LARGE1: variants seen among roughly 807,000 people sequenced by gnomAD.
The protein encoded by LARGE1 is LARGE xylosyl- and glucuronyltransferase 1.
In LARGE1, 43 loss-of-function variants were observed where a neutral mutation model predicts 87.6. That is an observed-to-expected ratio of 0.49 (90% CI 0.38 to 0.63). The LOEUF (loss-of-function observed/expected upper bound fraction) is 0.63. Among genes scored for constraint, LARGE1 ranks in the 30% least tolerant of loss-of-function variants. LARGE1 has a pLI of 0.00. For missense variants in LARGE1, 802 were observed against 1,000.2 expected (o/e 0.80, Z 2.67); for synonymous variants, 434 against 394.6 (o/e 1.10, Z -1.18).
the LARGE1 span, among the ~76,000 whole-genome samples, chr22:33,104,496 C>T: frequency 5.3e-5 from 8 of 152,244 alleles, no homozygotes; most frequent in Non-Finnish European, 1.2e-4. Context: ...AGATGGGGTA[C>T]ATGCGAGTGA....
chr22:33,546,165 G>A (rs752345105), intron 6 of LARGE1, among the ~76,000 whole-genome samples: 6 of 152,170 alleles, frequency 3.9e-5, no homozygotes, highest in Non-Finnish European at 7.3e-5. Flanking sequence ...GGCACAGCAC[G>A]CTAAATCCTT....
At chr22:33,413,665 C>A (rs539748880) in intron 7 of LARGE1, among the ~76,000 whole-genome samples, 2 of 152,000 alleles carry the variant, frequency 1.3e-5, no homozygotes, top group Non-Finnish European at 2.9e-5. Flanking sequence ...TGGGGTTTCA[C>A]CATGCTGGCC....
At chr22:33,520,568 C>T (rs919594095) in intron 6 of LARGE1, among the ~76,000 whole-genome samples, 2 of 152,248 alleles carry the variant, frequency 1.3e-5, no homozygotes, top group Non-Finnish European at 2.9e-5. Context: ...CCTGCCCCCA[C>T]TGCCCACCTG....
intron 11 of LARGE1, among the ~76,000 whole-genome samples, chr22:33,190,928 A>G (rs73395904): frequency 0.032 from 4,827 of 151,550 alleles, 264 homozygotes; most frequent in African/African-American, 0.11. Flanking sequence ...ATTCGGTAAA[A>G]CTCTCTCCTC....
At chr22:33,830,935 C>T (rs145157136) in intron 1 of LARGE1, among the ~76,000 whole-genome samples, 2 of 152,298 alleles carry the variant, frequency 1.3e-5, no homozygotes, top group East Asian at 3.9e-4. Flanking sequence ...GCTCTGCCTT[C>T]ATGACCTAAG....
chr22:33,137,039 CGTTG>C, the LARGE1 span: 2 of 152,068 alleles, frequency 1.3e-5, no homozygotes, highest in African/African-American at 2.4e-5. Flanking sequence ...GTCAGCTTCT[CGTTG>C]GTTGTTTCTC....
chr22:33,381,913 C>A lies in LARGE1; in HGVS notation c.1131+6G>T, dbSNP rs2065171571. On this transcript the variant is annotated splice_donor_region_variant and intron_variant, in intron 9 of 14. Transcript: ENST00000397394. ...ACCTCCAGGGATGTCCCTGTGTTGA[C>A]CCTACCTTTAGATCAGACACGTCTC... 1 of 1,613,868 alleles carries A rather than the reference C, an allele frequency of 6.2e-7. No individual in the cohort carries two copies.
chr22:33,829,381 C>A (rs956590554), intron 1 of LARGE1, among the ~76,000 whole-genome samples: 33 of 152,162 alleles, frequency 2.2e-4, no homozygotes, highest in Middle Eastern at 3.4e-3. Flanking sequence ...GACCCCACTA[C>A]CATTAAACTG....
intron 1 of LARGE1, among the ~76,000 whole-genome samples, chr22:33,779,852 T>C (rs1408677397): frequency 7.6e-6 from 1 of 131,266 alleles, no homozygotes; most frequent in South Asian, 2.2e-4. Context: ...CAGTCTACTG[T>C]ATCTTCCTCT....
intron 7 of LARGE1, among the ~76,000 whole-genome samples, chr22:33,405,225 A>G (rs2066056238): frequency 1.3e-5 from 2 of 152,200 alleles, no homozygotes; most frequent in African/African-American, 4.8e-5. Context: ...CCAGTGTGTT[A>G]CAGAACAAAA....
chr22:33,784,974 TATAC>T (rs1264533792), intron 1 of LARGE1, among the ~76,000 whole-genome samples: 2 of 151,322 alleles, frequency 1.3e-5, no homozygotes, highest in East Asian at 1.9e-4. Flanking sequence ...TATACATGTG[TATAC>T]ATACATATGT....
Position 33,274,298 on chromosome 22 carries a change from TG to T in LARGE1, c.*128del. Reference sequence around the variant, plus strand: ...GTCTCTGTAGTGAGGGCAGCTTGGCTGGGCCAAAGAGATAAATAAAAACAAA... The same window carrying T: ...GTCTCTGTAGTGAGGGCAGCTTGGCTGGCCAAAGAGATAAATAAAAACAAA... On this transcript the variant is annotated 3_prime_UTR_variant, in exon 15 of 15. Coordinates refer to ENST00000397394, the MANE Select transcript of LARGE1 (RefSeq NM_133642.5). The T allele has an allele frequency of 1.0e-6, 1 of 982,862 alleles. No individual in the cohort carries two copies. Among genetic ancestry groups the T allele is most frequent in the Non-Finnish European group, 1.6e-6 (1 of 624,640 alleles). 60.9% of individuals were successfully genotyped at this position (982,862 alleles called of 1,614,324 possible). A position where few individuals can be genotyped will look rare whatever the true frequency, so the allele number is the denominator to read the frequency against.
chr22:33,727,526 G>A (rs988977388), intron 2 of LARGE1: 3 of 152,254 alleles, frequency 2.0e-5, no homozygotes, highest in African/African-American at 7.2e-5. Flanking sequence ...AACGTGGAGA[G>A]AGATGTAGCT....
At chr22:33,388,731 G>T (rs561412865) in intron 7 of LARGE1, among the ~76,000 whole-genome samples, 2 of 151,710 alleles carry the variant, frequency 1.3e-5, no homozygotes, top group Non-Finnish European at 2.9e-5. Flanking sequence ...ACGCCTGGCT[G>T]ATTTTTTGTA....
chr22:33,275,459 GT>G (rs1156673525), intron 14 of LARGE1, among the ~76,000 whole-genome samples: 1 of 152,212 alleles, frequency 6.6e-6, no homozygotes, highest in Non-Finnish European at 1.5e-5. Flanking sequence ...AAAGGCGGCT[GT>G]TTTAGGTAGA....
intron 13 of LARGE1, among the ~76,000 whole-genome samples, chr22:33,278,553 TCA>T (rs113415022): frequency 0.033 from 4,957 of 148,054 alleles, 202 homozygotes; most frequent in African/African-American, 0.1. Flanking sequence ...TCTCTCTCTC[TCA>T]CACACACACA....
chr22:33,845,401 T>C (rs1316657689), intron 1 of LARGE1, among the ~76,000 whole-genome samples: 1 of 152,082 alleles, frequency 6.6e-6, no homozygotes, highest in Non-Finnish European at 1.5e-5. Flanking sequence ...CTCTACCTCC[T>C]GGGTTCAGGC....
chr22:33,406,116 T>G (rs564053580), intron 7 of LARGE1, among the ~76,000 whole-genome samples: 13 of 152,348 alleles, frequency 8.5e-5, no homozygotes, highest in African/African-American at 3.1e-4. Context: ...TATGGGAATC[T>G]GATGATACAT....
At chr22:33,485,493 A>G (rs957795367) in intron 6 of LARGE1, among the ~76,000 whole-genome samples, 34 of 152,182 alleles carry the variant, frequency 2.2e-4, no homozygotes, top group African/African-American at 7.5e-4. Context: ...TGGGGAGTTC[A>G]TTTTTTTAAA....
Sources: gnomAD v4.1 joint callset for allele counts (sites outside exome capture counted in the v4.1 genomes callset) on GRCh38, gnomAD v4.1.1 for gene constraint, MANE v1.5 for transcripts, NCBI Gene and HGNC (gene_info 2026-07-23, HGNC 2026-07-21) for gene names.